Variants in RPS6KC1 observed in about 807,000 individuals in gnomAD.
The protein encoded by RPS6KC1 is ribosomal protein S6 kinase C1.
A neutral mutation model predicts 103.8 loss-of-function variants in RPS6KC1; 54 were observed. That is an observed-to-expected ratio of 0.52 (90% CI 0.42 to 0.65). The LOEUF (loss-of-function observed/expected upper bound fraction) is 0.65, where lower values mean the gene tolerates loss of function less well. Ranked by LOEUF, RPS6KC1 falls within the 30% of genes least tolerant of loss-of-function variation. RPS6KC1 has a pLI of 0.00. For synonymous variants in RPS6KC1, 439 were observed against 438.7 expected (o/e 1.00, Z -0.01); for missense variants, 1,151 against 1,253.8 (o/e 0.92, Z 1.24).
the RPS6KC1 span, among the ~76,000 whole-genome samples, chr1:213,630,689 T>C: frequency 6.6e-6 from 1 of 152,240 alleles, no homozygotes; most frequent in African/African-American, 2.4e-5. Context: ...TGCTCTGTTT[T>C]TTCCCCATCT....
At chr1:213,683,017 G>A in the RPS6KC1 span, among the ~76,000 whole-genome samples, 27 of 152,258 alleles carry the variant, frequency 1.8e-4, no homozygotes, top group Non-Finnish European at 2.6e-4. Flanking sequence ...TTTATCACGT[G>A]GGTGTTTTTC....
chr1:213,291,621 G>T, the RPS6KC1 span, among the ~76,000 whole-genome samples: 1 of 152,208 alleles, frequency 6.6e-6, no homozygotes, highest in Non-Finnish European at 1.5e-5. Context: ...GAAAATTGGA[G>T]CCCAGAGAGA....
chr1:213,624,377 G>A, the RPS6KC1 span, among the ~76,000 whole-genome samples: 2 of 152,242 alleles, frequency 1.3e-5, no homozygotes, highest in Admixed American at 1.3e-4. Flanking sequence ...AGCAAGCTAG[G>A]ATGGGTAGAA....
At chr1:213,387,666 T>A in the RPS6KC1 span, among the ~76,000 whole-genome samples, 1 of 152,220 alleles carries the variant, frequency 6.6e-6, no homozygotes, top group African/African-American at 2.4e-5. Context: ...TTCTGTACCT[T>A]GGGTGTTTTT....
chr1:213,453,295 G>T, the RPS6KC1 span, among the ~76,000 whole-genome samples: 2 of 152,090 alleles, frequency 1.3e-5, no homozygotes, highest in African/African-American at 4.8e-5. Context: ...TCATGGAGCC[G>T]ATGGAGCTTA....
chr1:213,661,735 A>G, the RPS6KC1 span, among the ~76,000 whole-genome samples: 1 of 152,258 alleles, frequency 6.6e-6, no homozygotes, highest in African/African-American at 2.4e-5. Context: ...ATAAGGATGT[A>G]GGACTTAGAT....
At chr1:213,059,357 C>A (rs988587066) in intron 1 of RPS6KC1, among the ~76,000 whole-genome samples, 4 of 152,300 alleles carry the variant, frequency 2.6e-5, no homozygotes, top group Non-Finnish European at 5.9e-5. Context: ...CTTTATTACA[C>A]TGGCTATGAC....
chr1:213,681,716 T>C, the RPS6KC1 span, among the ~76,000 whole-genome samples: 1 of 152,114 alleles, frequency 6.6e-6, no homozygotes, highest in Non-Finnish European at 1.5e-5. Context: ...GAGTATTGCT[T>C]GAATATGGGA....
At chr1:213,357,177 TAC>T in the RPS6KC1 span, among the ~76,000 whole-genome samples, 1 of 151,194 alleles carries the variant, frequency 6.6e-6, no homozygotes, top group East Asian at 1.9e-4. Context: ...GATCCAGGAA[TAC>T]ACATATTAAA....
chr1:213,254,371 G>A (rs1236958546), intron 12 of RPS6KC1, among the ~76,000 whole-genome samples: 1 of 152,144 alleles, frequency 6.6e-6, no homozygotes, highest in Admixed American at 6.5e-5. Flanking sequence ...TAGTGACCCT[G>A]ATTCATTTCA....
At chr1:213,854,377 C>A in the RPS6KC1 span, among the ~76,000 whole-genome samples, 1 of 152,168 alleles carries the variant, frequency 6.6e-6, no homozygotes, top group South Asian at 2.1e-4. Flanking sequence ...CTGGCAAATT[C>A]CCCTGAGTCT....
At chr1:213,385,579 G>A in the RPS6KC1 span, among the ~76,000 whole-genome samples, 1 of 152,238 alleles carries the variant, frequency 6.6e-6, no homozygotes, top group Admixed American at 6.5e-5. Context: ...ACTTGACAGA[G>A]TGGGGATTTG....
At chr1:213,278,474 G>A (rs554954345), downstream of RPS6KC1, among the ~76,000 whole-genome samples, 506 of 152,330 alleles carry the variant, frequency 3.3e-3, 2 homozygotes, top group South Asian at 7.9e-3. Flanking sequence ...AGTCTCTCAG[G>A]ATTGTTATAG....
intron 8 of RPS6KC1, among the ~76,000 whole-genome samples, chr1:213,225,187 G>A (rs898622199): frequency 6.6e-6 from 1 of 152,160 alleles, no homozygotes; most frequent in African/African-American, 2.4e-5. Context: ...AGTTGAAGAG[G>A]TATATCCAGA....
chr1:213,800,337 C>T, the RPS6KC1 span, among the ~76,000 whole-genome samples: 4 of 152,142 alleles, frequency 2.6e-5, no homozygotes, highest in African/African-American at 4.8e-5. Flanking sequence ...GTTGGAGTGG[C>T]TTGCTTCCGT....
At chr1:213,129,980 T>A in intron 6 of RPS6KC1, 91 bp downstream of exon 6, 1 of 1,240,518 alleles carries the variant, frequency 8.1e-7, no homozygotes, top group Non-Finnish European at 1.1e-6. Flanking sequence ...TATAGTCTTA[T>A]GGAAATAATA....
At chr1:213,515,877 C>T in the RPS6KC1 span, among the ~76,000 whole-genome samples, 1 of 152,086 alleles carries the variant, frequency 6.6e-6, no homozygotes, top group Non-Finnish European at 1.5e-5. Flanking sequence ...GAATGTTCTT[C>T]CATTTGTTTG....
the RPS6KC1 span, among the ~76,000 whole-genome samples, chr1:213,343,297 A>C: frequency 5.3e-5 from 8 of 149,958 alleles, no homozygotes; most frequent in African/African-American, 2.0e-4. Flanking sequence ...ACCTCCAGTC[A>C]ATAAAAATTC....
At chr1:213,095,039 A>T (rs2081324546) in intron 3 of RPS6KC1, among the ~76,000 whole-genome samples, 1 of 152,206 alleles carries the variant, frequency 6.6e-6, no homozygotes, top group Non-Finnish European at 1.5e-5. Flanking sequence ...GACAGCATCC[A>T]ATCCAGGGCA....
Sources: gnomAD v4.1 joint callset for allele counts (sites outside exome capture counted in the v4.1 genomes callset) on GRCh38, gnomAD v4.1.1 for gene constraint, MANE v1.5 for transcripts, NCBI Gene and HGNC (gene_info 2026-07-23, HGNC 2026-07-21) for gene names.